Variants in MINK1 observed in about 807,000 individuals in gnomAD.
MINK1 encodes misshapen-like kinase 1.
A neutral mutation model predicts 178.4 loss-of-function variants in MINK1; 46 were observed. The ratio of observed to expected loss-of-function variants is 0.26; its 90% CI spans 0.20 to 0.33. The LOEUF (loss-of-function observed/expected upper bound fraction) is 0.33. Among genes scored for constraint, MINK1 ranks in the 10% least tolerant of loss-of-function variants. The probability of loss-of-function intolerance (pLI) is 1.00; values close to 1 mark genes in which losing one functional copy is unlikely to be tolerated. For missense variants in MINK1, 1,366 were observed against 1,814.9 expected (o/e 0.75, Z 4.49); for synonymous variants, 797 against 709.7 (o/e 1.12, Z -1.96).
chr17:4,895,054 ACCT>A lies in MINK1; in HGVS notation c.2918-11_2918-9del, dbSNP rs546178509. 24 of 1,611,210 alleles carry A rather than the reference ACCT, an allele frequency of 1.5e-5. No individual in the cohort carries two copies. The highest frequency in any genetic ancestry group is 5.5e-5 in the South Asian group (5 of 91,026). ...GTGAGAAGCTGCAGCCCCTCCTCCCACCTCCTCCTCCTTCTGGCAGCCCTAGTG... is the reference window on the plus strand; with the variant it reads ...GTGAGAAGCTGCAGCCCCTCCTCCCACCTCCTCCTTCTGGCAGCCCTAGTG... On this transcript the variant is annotated intron_variant, in intron 24 of 31. Transcript: ENST00000355280. This position sits in a 1 kb window ranked among gnomAD's most constrained non-coding sequence, Gnocchi z 4.3.
chr17:4,894,495 G>C lies in MINK1; in HGVS notation c.2809-30G>C. 6.4e-7 allele frequency: 1 copy of C among 1,561,836 alleles called. No individual in the cohort carries two copies. Among genetic ancestry groups the C allele is most frequent in the Non-Finnish European group, 8.7e-7 (1 of 1,150,256 alleles). On this transcript the variant is annotated intron_variant, in intron 23 of 31. Transcript: ENST00000355280. The surrounding 1 kb of genome is among the most constrained non-coding windows in gnomAD (Gnocchi z 4.1). ...CAGGGCCGCAGCTGGACTTGCACTT[G>C]TTTGCCTGACTGCTGTCCCCCTACC... is the stretch of plus-strand genomic sequence containing the variant.
chr17:4,879,759 G>T (rs1396136842), intron 2 of MINK1, among the ~76,000 whole-genome samples: 1 of 152,190 alleles, frequency 6.6e-6, no homozygotes, highest in East Asian at 1.9e-4. Context: ...TTCCCACTAG[G>T]GCTGGTGACA....
intron 2 of MINK1, 135 bp from the exon 3 acceptor site, chr17:4,880,849 G>A (rs935711797): frequency 1.3e-5 from 10 of 784,582 alleles, no homozygotes; most frequent in African/African-American, 5.2e-5. Flanking sequence ...GCAGTGAGCC[G>A]AGATCGCGCC....
Position 4,893,053 on chromosome 17 carries a change from C to T in MINK1, c.2386C>T (p.Pro796Ser). The T allele has an allele frequency of 1.3e-6, 2 of 1,565,300 alleles. No homozygotes were observed. Among genetic ancestry groups the T allele is most frequent in the Non-Finnish European group, 1.7e-6 (2 of 1,157,122 alleles). Residue 796 changes from proline (P) to serine (S), a missense_variant, in exon 20 of 32, where the codon CCA (proline) becomes TCA (serine). Transcript: ENST00000355280. ...CAAGCCCGACGACCACCGCTCACGG[C>T]CAGGCCGGCCCGCAGTGAGTCACCT... The part of the protein sequence containing the change: ...KAKPDDHRSR[P>S]GRPADFVLLK...
chr17:4,880,998 G>C lies in MINK1; in HGVS notation c.138G>C (p.Lys46Asn). The change falls in exon 3 of 32, where the codon AAG (lysine) becomes AAC (asparagine). Residue 46 changes from lysine (K) to asparagine (N), a missense_variant. By Grantham distance (94) the Lys-to-Asn change is moderately conservative. This residue lies in a region of MINK1 where 109 missense variants were observed against 369.4 expected (regional missense o/e 0.30). Transcript: ENST00000355280. ...CTGTCCCGCAGGGTCGGCATGTCAA[G>C]ACGGGGCAGCTGGCTGCCATCAAGG... is the stretch of plus-strand genomic sequence containing the variant. ...YGQVYKGRHVKTGQLAAIKVM... is the reference protein window; with the variant it reads ...YGQVYKGRHVNTGQLAAIKVM... 2 of 1,522,358 alleles carry C rather than the reference G, an allele frequency of 1.3e-6. No individual in the cohort carries two copies. Among genetic ancestry groups the C allele is most frequent in the Non-Finnish European group, 1.8e-6 (2 of 1,139,254 alleles). 94.3% of individuals were successfully genotyped at this position (1,522,358 alleles called of 1,614,324 possible). A position where few individuals can be genotyped will look rare whatever the true frequency, so the allele number is the denominator to read the frequency against.
chr17:4,873,970 G>A (rs1360665339), intron 1 of MINK1, among the ~76,000 whole-genome samples: 1 of 152,008 alleles, frequency 6.6e-6, no homozygotes, highest in Non-Finnish European at 1.5e-5. Context: ...TGTGGGAGAG[G>A]ACCGAGGCCT....
In MINK1 at chr17:4,886,372, G is replaced by A; in HGVS notation, c.774-79G>A. On this transcript the variant is annotated intron_variant, in intron 9 of 31. Coordinates refer to ENST00000355280, the MANE Select transcript of MINK1 (RefSeq NM_153827.5). This position sits in a 1 kb window ranked among gnomAD's most constrained non-coding sequence, Gnocchi z 6.1. ...AGGAGGGACGTCAAGGTGGCTTGTGGATGAATGATCCACCCTCTTCCTCCT... is the reference window on the plus strand; with the variant it reads ...AGGAGGGACGTCAAGGTGGCTTGTGAATGAATGATCCACCCTCTTCCTCCT... 6.5e-7 allele frequency: 1 copy of A among 1,539,536 alleles called. No individual in the cohort carries two copies. The highest frequency in any genetic ancestry group is 8.9e-7 in the Non-Finnish European group (1 of 1,127,900).
At chr17:4,847,507 C>T (rs1049313567) in intron 1 of MINK1, among the ~76,000 whole-genome samples, 4 of 152,182 alleles carry the variant, frequency 2.6e-5, no homozygotes, top group African/African-American at 4.8e-5. Context: ...CCTAAGATCC[C>T]TTCAGGCCCA....
At chr17:4,865,797 G>A (rs1231534874) in intron 1 of MINK1, among the ~76,000 whole-genome samples, 1 of 151,612 alleles carries the variant, frequency 6.6e-6, no homozygotes, top group Non-Finnish European at 1.5e-5. Context: ...TGGTAGGCTA[G>A]GGCAGGAGGA....
At chr17:4,869,806 TTTA>T (rs1280559685) in intron 1 of MINK1, among the ~76,000 whole-genome samples, 87 of 135,928 alleles carry the variant, frequency 6.4e-4, no homozygotes, top group Non-Finnish European at 5.6e-4. Context: ...TTTTATTTTA[TTTA>T]TTATTTTATT....
chr17:4,859,836 A>T (rs1913845475), intron 1 of MINK1, among the ~76,000 whole-genome samples: 1 of 149,656 alleles, frequency 6.7e-6, no homozygotes, highest in South Asian at 2.1e-4. Flanking sequence ...AATATTGATA[A>T]TAACAGTTTG....
intron 1 of MINK1, among the ~76,000 whole-genome samples, chr17:4,877,739 C>T (rs987954280): frequency 2.7e-5 from 4 of 150,642 alleles, no homozygotes; most frequent in Non-Finnish European, 4.4e-5. Flanking sequence ...CGCAGTTTCT[C>T]GGTGGGTTTG....
chr17:4,891,234 C>A, intron 15 of MINK1, 110 bp downstream of exon 15: 1 of 1,072,338 alleles, frequency 9.3e-7, no homozygotes, highest in Non-Finnish European at 1.3e-6. Context: ...ACCTGCTCAG[C>A]CGTGAGCCAG....
chr17:4,887,453 A>ACT lies in MINK1; in HGVS notation c.1020-126_1020-125insTC. 2 of 921,250 alleles carry ACT rather than the reference A, an allele frequency of 2.2e-6. No homozygotes were observed. Among genetic ancestry groups the ACT allele is most frequent in the Non-Finnish European group, 3.2e-6 (2 of 617,908 alleles). The allele number at this position is 921,250 out of a possible 1,614,324, so 57.1% of individuals were successfully genotyped here. ...GAAGGGGACGGTAAGTCTCCTGGCC[A>ACT]CCTGGGAGTGGCCAGAGGCAGAGGC... On this transcript the variant is annotated intron_variant, in intron 11 of 31. Transcript: ENST00000355280. This position sits in a 1 kb window ranked among gnomAD's most constrained non-coding sequence, Gnocchi z 7.6.
rs1189980778 is a variant in MINK1 at position 4,884,809 on chromosome 17, C to T, written c.418-103C>T. On this transcript the variant is annotated intron_variant, in intron 5 of 31. Coordinates refer to ENST00000355280, the MANE Select transcript of MINK1 (RefSeq NM_153827.5). ...AGAAGGTCTGCTCCTTCAGCCCAGC[C>T]CTGTCCAGACTGACTGCTCCTTGTC... 3.0e-6 allele frequency: 3 copies of T among 1,010,432 alleles called. No homozygotes were observed. In the East Asian group the frequency reaches 7.8e-5, roughly 26 times the overall value. The allele number at this position is 1,010,432 out of a possible 1,614,324, so 62.6% of individuals were successfully genotyped here. A position where few individuals can be genotyped will look rare whatever the true frequency, so the allele number is the denominator to read the frequency against.
At position 4,853,363 on chromosome 17, in the gene MINK1, TGGG is replaced by T. The variant is rs565318720; in HGVS notation, c.57+19727_57+19729del. Among the ~76,000 whole-genome samples the T allele has an allele frequency of 9.6e-5, 4 of 41,504 alleles. No homozygotes were observed. In the South Asian group the frequency reaches 5.2e-3, roughly 54 times the overall value. 27.2% of individuals were successfully genotyped at this position (41,504 alleles called of 152,430 possible). A position where few individuals can be genotyped will look rare whatever the true frequency, so the allele number is the denominator to read the frequency against. ...GTGTGGTTGGTGGGAAGAGTGTGGT[TGGG>T]GGGAGTGTGGTTGGTGGGAAGAGTG... On this transcript the variant is annotated intron_variant, in intron 1 of 31. Coordinates refer to ENST00000355280, the MANE Select transcript of MINK1 (RefSeq NM_153827.5).
At chr17:4,839,605 T>C (rs1048643177) in intron 1 of MINK1, among the ~76,000 whole-genome samples, 2 of 152,192 alleles carry the variant, frequency 1.3e-5, no homozygotes, top group Non-Finnish European at 2.9e-5. Flanking sequence ...TTTGCCATTC[T>C]CCTCCGAACC....
intron 1 of MINK1, chr17:4,859,348 AC>A: frequency 2.1e-6 from 2 of 967,580 alleles, no homozygotes; most frequent in Middle Eastern, 5.3e-4. Flanking sequence ...CCTTTTCCTA[AC>A]CTACCTGCTT....
At chr17:4,844,648 C>T in intron 1 of MINK1, 1 of 454,248 alleles carries the variant, frequency 2.2e-6, no homozygotes, top group Non-Finnish European at 4.3e-6. Flanking sequence ...GGGGCTCGTA[C>T]CCAGAACTAA....
Sources: allele counts gnomAD v4.1 joint callset (sites outside exome capture counted in the v4.1 genomes callset), GRCh38; gene constraint gnomAD v4.1.1; regional missense constraint gnomAD v4.1.1; non-coding constraint Gnocchi (gnomAD v3.1); transcripts MANE v1.5; gene names NCBI Gene and HGNC (gene_info 2026-07-23, HGNC 2026-07-21).